Variants in NELL2 observed in about 807,000 individuals in gnomAD.
NELL2 encodes the protein protein kinase C-binding protein NELL2.
A neutral mutation model predicts 109.6 loss-of-function variants in NELL2; 41 were observed. That is an observed-to-expected ratio of 0.37 (90% CI 0.29 to 0.49). NELL2 has a LOEUF of 0.49. NELL2 is among the 20% of genes least tolerant of loss of function. The pLI is 0.98. For synonymous variants in NELL2, 355 were observed against 344.7 expected, an observed-to-expected ratio of 1.03 and a Z score of -0.33; for missense variants, 900 against 1,008.3, an observed-to-expected ratio of 0.89 and a Z score of 1.45.
At chr12:44,647,269 A>G (rs952204656) in intron 13 of NELL2, among the ~76,000 whole-genome samples, 1 of 152,222 alleles carries the variant, frequency 6.6e-6, no homozygotes, top group African/African-American at 2.4e-5. Flanking sequence ...TCTAGTTCAC[A>G]TAAATTCTAG....
chr12:44,535,771 A>G (rs1391997743), intron 15 of NELL2, among the ~76,000 whole-genome samples: 1 of 151,992 alleles, frequency 6.6e-6, no homozygotes, highest in Non-Finnish European at 1.5e-5. Context: ...TTAAGTAAAT[A>G]TGGGTATAAA....
At chr12:44,543,521 T>C (rs556216840) in intron 15 of NELL2, among the ~76,000 whole-genome samples, 1 of 152,312 alleles carries the variant, frequency 6.6e-6, no homozygotes, top group South Asian at 2.1e-4. Context: ...TGGAGAATTT[T>C]AGGAGGGAAG....
chr12:44,685,093 T>A (rs1948668493), intron 12 of NELL2, among the ~76,000 whole-genome samples: 1 of 152,180 alleles, frequency 6.6e-6, no homozygotes, highest in East Asian at 1.9e-4. Context: ...TTTATGAATC[T>A]GGGTGCTCCT....
intron 7 of NELL2, among the ~76,000 whole-genome samples, chr12:44,776,748 A>G (rs899109222): frequency 6.6e-6 from 1 of 152,214 alleles, no homozygotes; most frequent in Non-Finnish European, 1.5e-5. Flanking sequence ...GCTTGTAATG[A>G]AAAACTGAAT....
chr12:44,806,166 T>TTAATA (rs1283310996), intron 3 of NELL2, among the ~76,000 whole-genome samples: 2 of 151,774 alleles, frequency 1.3e-5, no homozygotes, highest in African/African-American at 4.8e-5. Flanking sequence ...CGATAATGAA[T>TTAATA]TAATATCCTT....
At chr12:44,648,237 G>A (rs367853444) in intron 13 of NELL2, among the ~76,000 whole-genome samples, 1 of 152,134 alleles carries the variant, frequency 6.6e-6, no homozygotes, top group African/African-American at 2.4e-5. Flanking sequence ...AATATGTTTC[G>A]AATTTAACTG....
chr12:44,746,956 C>A (rs1415194709), intron 9 of NELL2, among the ~76,000 whole-genome samples: 6 of 152,126 alleles, frequency 3.9e-5, no homozygotes, highest in African/African-American at 1.4e-4. Flanking sequence ...TGGGTATATA[C>A]CCAAAGGATT....
At chr12:44,588,575 G>T (rs1944630542) in intron 15 of NELL2, among the ~76,000 whole-genome samples, 1 of 152,184 alleles carries the variant, frequency 6.6e-6, no homozygotes, top group South Asian at 2.1e-4. Flanking sequence ...CTGAAAGTAT[G>T]CTTATGTATG....
upstream of NELL2, chr12:44,876,721 C>T: frequency 6.5e-7 from 1 of 1,545,432 alleles, no homozygotes; most frequent in Non-Finnish European, 8.7e-7. Flanking sequence ...AGGAGGGAAG[C>T]CCATGTGCAC....
chr12:44,592,187 T>C (rs1944778116), intron 15 of NELL2, among the ~76,000 whole-genome samples: 1 of 152,148 alleles, frequency 6.6e-6, no homozygotes, highest in African/African-American at 2.4e-5. Flanking sequence ...TTTAAAATGA[T>C]CAGAAAAAAT....
chr12:44,695,892 G>A (rs1949049253), intron 12 of NELL2, among the ~76,000 whole-genome samples: 1 of 152,122 alleles, frequency 6.6e-6, no homozygotes, highest in Non-Finnish European at 1.5e-5. Context: ...GCTGAGGTGG[G>A]GGGATTGCTT....
intron 3 of NELL2, among the ~76,000 whole-genome samples, chr12:44,787,380 A>C (rs11182672): frequency 0.24 from 35,930 of 152,030 alleles, 4,519 homozygotes; most frequent in South Asian, 0.3. Context: ...TAATTCCTAT[A>C]AAAATAATGG....
chr12:44,749,323 C>T (rs1191353769), intron 9 of NELL2, among the ~76,000 whole-genome samples: 2 of 152,028 alleles, frequency 1.3e-5, no homozygotes, highest in Non-Finnish European at 2.9e-5. Flanking sequence ...ATATTCTTAC[C>T]CTTTTTCTGA....
intron 19 of NELL2, among the ~76,000 whole-genome samples, chr12:44,519,545 T>C (rs920585755): frequency 1.1e-4 from 16 of 152,294 alleles, no homozygotes; most frequent in Admixed American, 5.9e-4. Context: ...AACCAAGAAA[T>C]ATGCCCATCT....
intron 3 of NELL2, 83 bp from the exon 4 acceptor site, chr12:44,780,105 A>G: frequency 7.0e-7 from 1 of 1,434,008 alleles, no homozygotes; most frequent in South Asian, 1.3e-5. Context: ...GGGATGGAAT[A>G]GATGTACTTT....
chr12:44,798,077 A>G lies in NELL2; in HGVS notation c.335+17909T>C, dbSNP rs530816470. Among the ~76,000 whole-genome samples, 39 of 132,718 alleles carry G rather than the reference A, an allele frequency of 2.9e-4. 1 individual carries two copies. The highest frequency in any genetic ancestry group is 5.8e-4 in the Non-Finnish European group (33 of 56,906). The allele number at this position is 132,718 out of a possible 152,430, so 87.1% of individuals were successfully genotyped here. Reference sequence around the variant, plus strand: ...ATTCCATCCTAGATGGAATGATGGAATAAAAGCATTCCATCCTAGATGGAA... The same window carrying G: ...ATTCCATCCTAGATGGAATGATGGAGTAAAAGCATTCCATCCTAGATGGAA... On this transcript the variant is annotated intron_variant, in intron 3 of 19. Coordinates refer to ENST00000429094, the MANE Select transcript of NELL2 (RefSeq NM_001145108.2).
intron 13 of NELL2, among the ~76,000 whole-genome samples, chr12:44,611,211 C>A (rs1441140216): frequency 6.6e-6 from 1 of 151,954 alleles, no homozygotes; most frequent in African/African-American, 2.4e-5. Flanking sequence ...CCAACGGTTG[C>A]AAGAAATAGA....
At chr12:44,716,072 T>C (rs1023069721) in intron 9 of NELL2, among the ~76,000 whole-genome samples, 1 of 152,102 alleles carries the variant, frequency 6.6e-6, no homozygotes, top group South Asian at 2.1e-4. Context: ...AGTGCTGGGG[T>C]TATAGGCATG....
chr12:44,599,290 GC>G (rs966219856), intron 15 of NELL2, among the ~76,000 whole-genome samples: 5 of 151,980 alleles, frequency 3.3e-5, no homozygotes, highest in Admixed American at 2.0e-4. Context: ...AGGCAATAGA[GC>G]AATGCTGTAA....
Sources: allele counts gnomAD v4.1 joint callset (sites outside exome capture counted in the v4.1 genomes callset), GRCh38; gene constraint gnomAD v4.1.1; transcripts MANE v1.5; gene names NCBI Gene and HGNC (gene_info 2026-07-23, HGNC 2026-07-21).